Variants in RADIL observed in about 807,000 individuals in gnomAD.
RADIL encodes ras-associating and dilute domain-containing protein.
Under a neutral mutation model 97.6 loss-of-function variants are expected in RADIL, and 99 were observed. The observed-to-expected ratio is 1.01, with a 90% CI of 0.86 to 1.20. The LOEUF is 1.20. Ranked by LOEUF, RADIL falls within the 50% of genes most tolerant of loss-of-function variation. The probability of loss-of-function intolerance (pLI) is 0.00; values close to 1 mark genes in which losing one functional copy is unlikely to be tolerated. For synonymous variants in RADIL, 803 were observed against 691.8 expected (o/e 1.16, Z -2.52); for missense variants, 1,765 against 1,498.9 (o/e 1.18, Z -2.93).
chr7:4,870,736 G>A (rs1276977448), intron 2 of RADIL, among the ~76,000 whole-genome samples: 1 of 152,304 alleles, frequency 6.6e-6, no homozygotes, highest in East Asian at 1.9e-4. Context: ...GAGCCACCGT[G>A]CCCGACTATT....
intron 12 of RADIL, among the ~76,000 whole-genome samples, chr7:4,800,795 G>A (rs892951681): frequency 3.3e-5 from 5 of 152,164 alleles, no homozygotes; most frequent in Admixed American, 1.3e-4. Flanking sequence ...ATCCTGCCGT[G>A]GGTGCACTTA....
At chr7:4,823,281 C>T (rs1054737606) in intron 5 of RADIL, among the ~76,000 whole-genome samples, 2 of 151,364 alleles carry the variant, frequency 1.3e-5, no homozygotes, top group South Asian at 2.1e-4. Context: ...CATGGCAAAA[C>T]GCCGTCTCTA....
chr7:4,822,586 G>T lies in RADIL; in HGVS notation c.1455-32C>A. 1 of 1,604,226 alleles carries T rather than the reference G, an allele frequency of 6.2e-7. No individual in the cohort carries two copies. The highest frequency in any genetic ancestry group is 1.1e-5 in the South Asian group (1 of 89,514). On this transcript the variant is annotated intron_variant, in intron 5 of 14. Transcript: ENST00000399583. This position sits in a 1 kb window ranked among gnomAD's most constrained non-coding sequence, Gnocchi z 5.3. The stretch of plus-strand genomic sequence containing the variant: ...AGACAGAAAGACTAAGAGTTACGCG[G>T]GGACCCGACCCTCAGGAGGCTGAAT...
chr7:4,825,605 G>A (rs113965805), intron 5 of RADIL, among the ~76,000 whole-genome samples: 9,338 of 152,260 alleles, frequency 0.061, 414 homozygotes, highest in East Asian at 0.14. Context: ...AGCCGGGTGC[G>A]GTGGCTCACG....
chr7:4,804,546 G>A (rs1782229730), intron 10 of RADIL, among the ~76,000 whole-genome samples: 1 of 152,240 alleles, frequency 6.6e-6, no homozygotes, highest in African/African-American at 2.4e-5. Context: ...CAGCACTTTG[G>A]GAGGCAGGAG....
In RADIL at chr7:4,817,461, C is replaced by T; in HGVS notation, c.1616-110G>A. The T allele has an allele frequency of 1.2e-5, 11 of 901,744 alleles. No homozygotes were observed. In the South Asian group the frequency reaches 1.7e-4, roughly 14 times the overall value. The allele number at this position is 901,744 out of a possible 1,614,324, so 55.9% of individuals were successfully genotyped here. Reference sequence around the variant, plus strand: ...TGGCGCGGGCACCACCCAACGCGCCCATCTGGGGTCCAGATGCGATAAACT... The same window carrying T: ...TGGCGCGGGCACCACCCAACGCGCCTATCTGGGGTCCAGATGCGATAAACT... On this transcript the variant is annotated intron_variant, in intron 6 of 14. Transcript: ENST00000399583. This position sits in a 1 kb window ranked among gnomAD's most constrained non-coding sequence, Gnocchi z 8.3.
Position 4,877,752 on chromosome 7 carries a change from A to ACCGGG in RADIL, c.383_387dup (p.Cys130ProfsTer15), listed in dbSNP as rs758758119. The ACCGGG allele has an allele frequency of 6.8e-6, 11 of 1,613,506 alleles. No homozygotes were observed. Among genetic ancestry groups the ACCGGG allele is most frequent in the Non-Finnish European group, 9.3e-6 (11 of 1,179,996 alleles). On this transcript the variant is annotated frameshift_variant, in exon 2 of 15. Coordinates refer to ENST00000399583, the MANE Select transcript of RADIL (RefSeq NM_018059.5). LOFTEE classifies it high-confidence loss of function. ...TCACTGTCCCCAAACACCCGAAAGC[A>ACCGGG]CCGGGCCTGCCACCGCTGCCCAGCA... is the stretch of plus-strand genomic sequence containing the variant.
chr7:4,803,134 C>T (rs1324072171), intron 11 of RADIL, among the ~76,000 whole-genome samples: 1 of 67,686 alleles, frequency 1.5e-5, no homozygotes, highest in Non-Finnish European at 2.6e-5. Flanking sequence ...CCGGGTACCT[C>T]GGGGCACTCT....
At chr7:4,829,066 G>T (rs1783071373) in intron 5 of RADIL, among the ~76,000 whole-genome samples, 1 of 152,176 alleles carries the variant, frequency 6.6e-6, no homozygotes, top group African/African-American at 2.4e-5. Flanking sequence ...AGCCCCAGAG[G>T]GAGGCCACCA....
intron 4 of RADIL, among the ~76,000 whole-genome samples, chr7:4,832,797 C>T (rs188358900): frequency 2.7e-4 from 41 of 151,654 alleles, no homozygotes; most frequent in Non-Finnish European, 4.9e-4. Flanking sequence ...AGTTATTATC[C>T]GGCTGAATGT....
chr7:4,850,380 C>A (rs941237088), intron 2 of RADIL, among the ~76,000 whole-genome samples: 1 of 152,192 alleles, frequency 6.6e-6, no homozygotes, highest in Non-Finnish European at 1.5e-5. Context: ...GCCCCCTGGG[C>A]TCACTCTGTG....
chr7:4,847,041 C>T (rs1345878315), intron 2 of RADIL, among the ~76,000 whole-genome samples: 7 of 152,184 alleles, frequency 4.6e-5, no homozygotes, highest in Non-Finnish European at 1.0e-4. Context: ...GGTAAACAGG[C>T]CAGGCATGGT....
At position 4,872,231 on chromosome 7, in the gene RADIL, G is replaced by A. The variant is rs60788806; in HGVS notation, c.535+5374C>T. 0.092 allele frequency among the ~76,000 whole-genome samples: 13,989 copies of A among 152,236 alleles called. 1,102 individuals are homozygous for A. Among genetic ancestry groups the A allele is most frequent in the African/African-American group, 0.21 (8,895 of 41,496 alleles). ...CAGGTCTGCCTCCAGGGAACATCTG[G>A]CCATGTCTGCAGACATCTTTGGTTG... On this transcript the variant is annotated intron_variant, in intron 2 of 14. Transcript: ENST00000399583. This position sits in a 1 kb window ranked among gnomAD's most constrained non-coding sequence, Gnocchi z 5.8.
chr7:4,874,349 G>A (rs922181257), intron 2 of RADIL, among the ~76,000 whole-genome samples: 3 of 152,270 alleles, frequency 2.0e-5, no homozygotes, highest in Non-Finnish European at 4.4e-5. Context: ...ATCCCCAGCG[G>A]AGCCTGGCTT....
At chr7:4,859,725 C>T in intron 2 of RADIL, 2 of 595,050 alleles carry the variant, frequency 3.4e-6, no homozygotes, top group Non-Finnish European at 5.9e-6. Context: ...GCAGGGAGAA[C>T]AGGGATACCG....
At chr7:4,823,946 G>GC (rs1481110165) in intron 5 of RADIL, among the ~76,000 whole-genome samples, 1 of 152,212 alleles carries the variant, frequency 6.6e-6, no homozygotes, top group Non-Finnish European at 1.5e-5. Flanking sequence ...TGCCTGGGAC[G>GC]CCCCAGGGTC....
chr7:4,863,773 G>A (rs1289387855), intron 2 of RADIL, among the ~76,000 whole-genome samples: 1 of 152,148 alleles, frequency 6.6e-6, no homozygotes, highest in Non-Finnish European at 1.5e-5. Flanking sequence ...GATTCCAATT[G>A]TATTTGGAGG....
At chr7:4,847,967 A>C (rs1004653886) in intron 2 of RADIL, among the ~76,000 whole-genome samples, 27 of 152,234 alleles carry the variant, frequency 1.8e-4, no homozygotes, top group African/African-American at 6.5e-4. Flanking sequence ...AGGCCGCAGC[A>C]GGCGGATCGC....
chr7:4,822,574 A>T lies in RADIL; in HGVS notation c.1455-20T>A. The T allele has an allele frequency of 6.2e-7, 1 of 1,610,694 alleles. No individual in the cohort carries two copies. Among genetic ancestry groups the T allele is most frequent in the South Asian group, 1.1e-5 (1 of 90,786 alleles). On this transcript the variant is annotated intron_variant, in intron 5 of 14. Coordinates refer to ENST00000399583, the MANE Select transcript of RADIL (RefSeq NM_018059.5). The surrounding 1 kb of genome is among the most constrained non-coding windows in gnomAD (Gnocchi z 5.3). ...TCCTGGCTACCAAGACAGAAAGACT[A>T]AGAGTTACGCGGGGACCCGACCCTC... is the stretch of plus-strand genomic sequence containing the variant.
Sources: gnomAD v4.1 joint callset for allele counts (sites outside exome capture counted in the v4.1 genomes callset) on GRCh38, gnomAD v4.1.1 for gene constraint, Gnocchi (gnomAD v3.1) non-coding constraint, MANE v1.5 for transcripts, NCBI Gene and HGNC (gene_info 2026-07-23, HGNC 2026-07-21) for gene names.